TEX14: variants seen among roughly 807,000 people sequenced by gnomAD.
The protein encoded by TEX14 is inactive serine/threonine-protein kinase TEX14.
Under a neutral mutation model 178.6 loss-of-function variants are expected in TEX14, and 168 were observed. That is an observed-to-expected ratio of 0.94 (90% CI 0.83 to 1.07). TEX14 has a LOEUF of 1.07. Ranked by LOEUF, TEX14 falls within the 50% of genes least tolerant of loss-of-function variation. TEX14 has a pLI of 0.00. For missense variants in TEX14, 1,730 were observed against 1,753.6 expected (o/e 0.99, Z 0.24); for synonymous variants, 626 against 634.1 (o/e 0.99, Z 0.19).
At chr17:58,570,337 A>T (rs781602601) in intron 25 of TEX14, 48 bp downstream of exon 25, 2 of 1,246,062 alleles carry the variant, frequency 1.6e-6, no homozygotes, top group South Asian at 1.8e-5. Context: ...GCATCAATTT[A>T]AGCCTCCTTG....
chr17:58,631,720 C>T (rs1313081079), intron 2 of TEX14: 3 of 148,698 alleles, frequency 2.0e-5, no homozygotes, highest in East Asian at 3.9e-4. Flanking sequence ...CCAAACACTG[C>T]TATCCCACTC....
chr17:58,659,082 A>G (rs2047033235), intron 1 of TEX14, among the ~76,000 whole-genome samples: 1 of 113,186 alleles, frequency 8.8e-6, no homozygotes, highest in South Asian at 4.0e-4. Flanking sequence ...GCGCGCCACT[A>G]CAACAACTCT....
chr17:58,588,103 C>G (rs1412073650), intron 15 of TEX14, 82 bp from the exon 16 acceptor site: 5 of 680,956 alleles, frequency 7.3e-6, no homozygotes, highest in South Asian at 6.6e-5. Flanking sequence ...TATAAAAGTG[C>G]TCTTGGGAGA....
intron 27 of TEX14, 45 bp from the exon 28 acceptor site, chr17:58,565,013 A>T (rs2044368626): frequency 2.3e-6 from 3 of 1,312,844 alleles, no homozygotes; most frequent in African/African-American, 1.5e-5. Flanking sequence ...CGAAAAAAAA[A>T]TTGAGAAAGC....
intron 8 of TEX14, among the ~76,000 whole-genome samples, chr17:58,614,860 C>T (rs2144525508): frequency 6.6e-6 from 1 of 152,316 alleles, no homozygotes; most frequent in South Asian, 2.1e-4. Flanking sequence ...GCAAGCCATG[C>T]TCTATGAAAA....
intron 26 of TEX14, among the ~76,000 whole-genome samples, chr17:58,568,106 T>G (rs1190204901): frequency 6.6e-6 from 1 of 152,138 alleles, no homozygotes; most frequent in Non-Finnish European, 1.5e-5. Context: ...AGAGGAGGAA[T>G]TTGCAAGGAC....
At chr17:58,581,492 G>T in intron 19 of TEX14, 1 of 1,133,690 alleles carries the variant, frequency 8.8e-7, no homozygotes, top group Non-Finnish European at 1.3e-6. Context: ...CACCAAAAAA[G>T]GTATAAAAAA....
chr17:58,655,367 A>G (rs1029066395), intron 1 of TEX14, among the ~76,000 whole-genome samples: 2 of 151,854 alleles, frequency 1.3e-5, no homozygotes, highest in African/African-American at 2.4e-5. Flanking sequence ...CATTTTTAGT[A>G]AAGATGGGTT....
chr17:58,583,360 G>A (rs2044871279), intron 19 of TEX14, among the ~76,000 whole-genome samples: 1 of 151,896 alleles, frequency 6.6e-6, no homozygotes. Context: ...CAAACTCCTG[G>A]ACTCAAGCAA....
At chr17:58,639,157 G>A (rs935292669) in intron 2 of TEX14, among the ~76,000 whole-genome samples, 2 of 151,602 alleles carry the variant, frequency 1.3e-5, no homozygotes, top group African/African-American at 4.8e-5. Context: ...GAGCCACCGC[G>A]CCCAGCAAGA....
chr17:58,630,670 C>CT (rs1177246539), intron 2 of TEX14, 116 bp from the exon 3 acceptor site: 26 of 657,030 alleles, frequency 4.0e-5, no homozygotes, highest in Non-Finnish European at 5.5e-5. Context: ...TTGCTGTGAG[C>CT]TTTTTTTTAA....
chr17:58,601,485 G>A (rs1292342487), intron 13 of TEX14, among the ~76,000 whole-genome samples: 1 of 147,782 alleles, frequency 6.8e-6, no homozygotes, highest in Non-Finnish European at 1.5e-5. Flanking sequence ...CCCCACCATT[G>A]CACTCCAGCC....
intron 3 of TEX14, among the ~76,000 whole-genome samples, chr17:58,626,364 G>A (rs1208531250): frequency 2.7e-5 from 4 of 146,572 alleles, no homozygotes; most frequent in Admixed American, 2.1e-4. Flanking sequence ...TCAGGAGTTC[G>A]AGACCAGCTT....
At chr17:58,562,699 C>T (rs890515331) in intron 28 of TEX14, among the ~76,000 whole-genome samples, 28 of 151,396 alleles carry the variant, frequency 1.8e-4, no homozygotes, top group Non-Finnish European at 2.8e-4. Flanking sequence ...TTAGTAGAGA[C>T]GGGGTTTTGC....
In TEX14 at chr17:58,628,544, C is replaced by T. The variant is rs543884060; in HGVS notation, c.251+1896G>A. 1.2e-4 allele frequency among the ~76,000 whole-genome samples: 19 copies of T among 152,256 alleles called. No individual in the cohort carries two copies. In the South Asian group the frequency reaches 3.5e-3, roughly 28 times the overall value. On this transcript the variant is annotated intron_variant, in intron 3 of 31. Transcript: ENST00000349033. ...TAGCTAACACGGTGAAACCCCATCT[C>T]TACTAAAAATATAAAACATTAGCTG... is the stretch of plus-strand genomic sequence containing the variant.
intron 10 of TEX14, among the ~76,000 whole-genome samples, chr17:58,608,647 C>A (rs1324689859): frequency 6.6e-6 from 1 of 152,220 alleles, no homozygotes; most frequent in African/African-American, 2.4e-5. Context: ...AACTCCCCAT[C>A]TGGTGGCACA....
At chr17:58,570,292 C>T in intron 25 of TEX14, 93 bp downstream of exon 25, 1 of 738,510 alleles carries the variant, frequency 1.4e-6, no homozygotes, top group Non-Finnish European at 2.1e-6. Context: ...AACAGCATTT[C>T]TGTCTGAACC....
At chr17:58,596,735 AG>A (rs1885739407) in intron 14 of TEX14, among the ~76,000 whole-genome samples, 1 of 151,202 alleles carries the variant, frequency 6.6e-6, no homozygotes, top group Non-Finnish European at 1.5e-5. Flanking sequence ...AAAAAAAAAA[AG>A]ATAAAGAAAT....
chr17:58,577,337 A>G (rs757728223), intron 21 of TEX14, 38 bp downstream of exon 21: 4 of 845,100 alleles, frequency 4.7e-6, no homozygotes, highest in African/African-American at 3.5e-5. Context: ...CATTGCATCT[A>G]TGAGTTTGAA....
Sources: allele counts gnomAD v4.1 joint callset (sites outside exome capture counted in the v4.1 genomes callset), GRCh38; gene constraint gnomAD v4.1.1; transcripts MANE v1.5; gene names NCBI Gene and HGNC (gene_info 2026-07-23, HGNC 2026-07-21).